Variants in STUM observed in about 807,000 individuals in gnomAD.
STUM encodes protein stum homolog.
STUM carries 8 observed loss-of-function variants against 15.3 expected under a neutral mutation model. The ratio of observed to expected loss-of-function variants is 0.52; its 90% CI spans 0.31 to 0.94. The LOEUF is 0.94. Among genes scored for constraint, STUM ranks in the 40% least tolerant of loss-of-function variants. The pLI, the probability that STUM is intolerant of heterozygous loss-of-function variation, is 0.05. For synonymous variants in STUM, 78 were observed against 88.7 expected, an observed-to-expected ratio of 0.88 and a Z score of 0.68; for missense variants, 142 against 204.9, an observed-to-expected ratio of 0.69 and a Z score of 1.87.
chr1:226,585,095 C>T (rs1250601317), intron 1 of STUM, among the ~76,000 whole-genome samples: 1 of 152,156 alleles, frequency 6.6e-6, no homozygotes, highest in Non-Finnish European at 1.5e-5. Context: ...CTGGCTGTAC[C>T]ACACTGCGGC....
chr1:226,586,694 G>A (rs745535207), intron 1 of STUM, among the ~76,000 whole-genome samples: 14 of 152,152 alleles, frequency 9.2e-5, no homozygotes, highest in Non-Finnish European at 1.6e-4. Flanking sequence ...TTTAATCTCC[G>A]TGTCTACCCA....
At chr1:226,562,064 G>C (rs1444719487) in intron 1 of STUM, among the ~76,000 whole-genome samples, 1 of 150,472 alleles carries the variant, frequency 6.6e-6, no homozygotes, top group Non-Finnish European at 1.5e-5. Flanking sequence ...TCTTTTGGGG[G>C]TGATGAAAAT....
At chr1:226,586,382 A>G (rs527641258) in intron 1 of STUM, among the ~76,000 whole-genome samples, 1 of 152,246 alleles carries the variant, frequency 6.6e-6, no homozygotes, top group East Asian at 1.9e-4. Flanking sequence ...GTAAGGAGAG[A>G]GTGCCTCAGC....
intron 1 of STUM, among the ~76,000 whole-genome samples, chr1:226,573,706 T>A (rs1330786248): frequency 2.6e-5 from 4 of 152,206 alleles, no homozygotes; most frequent in Non-Finnish European, 5.9e-5. Flanking sequence ...TATTTTGATA[T>A]ACGTAGTGAA....
chr1:226,569,199 T>C (rs1424245621), intron 1 of STUM, among the ~76,000 whole-genome samples: 1 of 152,218 alleles, frequency 6.6e-6, no homozygotes, highest in African/African-American at 2.4e-5. Context: ...CATACCTATC[T>C]CATAGGGCTC....
intron 1 of STUM, among the ~76,000 whole-genome samples, chr1:226,586,364 T>C (rs1014591238): frequency 6.6e-6 from 1 of 152,128 alleles, no homozygotes; most frequent in Non-Finnish European, 1.5e-5. Context: ...TTCCCAGGCT[T>C]GCGTTTGGTA....
chr1:226,564,870 T>C (rs921632001), intron 1 of STUM, among the ~76,000 whole-genome samples: 2 of 152,134 alleles, frequency 1.3e-5, no homozygotes, highest in Non-Finnish European at 2.9e-5. Context: ...TGCATTCCGG[T>C]TCTGAATGAC....
chr1:226,593,296 A>G (rs1668120175), intron 1 of STUM, among the ~76,000 whole-genome samples: 1 of 151,980 alleles, frequency 6.6e-6, no homozygotes, highest in Non-Finnish European at 1.5e-5. Flanking sequence ...CGTTTCCTGC[A>G]GGTTGGGGGC....
intron 1 of STUM, among the ~76,000 whole-genome samples, chr1:226,560,753 G>A (rs976606127): frequency 2.0e-5 from 3 of 152,116 alleles, no homozygotes; most frequent in African/African-American, 7.2e-5. Context: ...GAATGGCTGT[G>A]GTATAATGCT....
intron 1 of STUM, among the ~76,000 whole-genome samples, chr1:226,556,770 C>T (rs1470411383): frequency 1.3e-5 from 2 of 152,168 alleles, no homozygotes; most frequent in Non-Finnish European, 2.9e-5. Context: ...GCCCTGTTAA[C>T]TGTAAAGCAC....
chr1:226,588,715 G>T (rs1471465725), intron 1 of STUM, among the ~76,000 whole-genome samples: 1 of 152,230 alleles, frequency 6.6e-6, no homozygotes. Context: ...GACTCTTAGG[G>T]TGGTGGGGCC....
In STUM at chr1:226,600,384, T is replaced by G. The variant is rs532189239; in HGVS notation, c.383-282T>G. Among the ~76,000 whole-genome samples the G allele has an allele frequency of 6.6e-6, 1 of 152,208 alleles. No homozygotes were observed. The highest frequency in any genetic ancestry group is 2.4e-5 in the African/African-American group (1 of 41,454). On this transcript the variant is annotated intron_variant, in intron 2 of 3. Coordinates refer to ENST00000366788, the MANE Select transcript of STUM (RefSeq NM_001003665.4). This position sits in a 1 kb window ranked among gnomAD's most constrained non-coding sequence, Gnocchi z 5.2. ...TGGGGAGGCAGTGGACCAAGCTCCC[T>G]GGCAGTGTGAGAGCCCCTCGCTGTG...
chr1:226,550,252 C>T (rs1667351409), intron 1 of STUM, among the ~76,000 whole-genome samples: 1 of 152,218 alleles, frequency 6.6e-6, no homozygotes, highest in South Asian at 2.1e-4. Context: ...GCTGCGGTGA[C>T]AGCCAAGGCC....
At chr1:226,566,985 T>C (rs1270732491) in intron 1 of STUM, among the ~76,000 whole-genome samples, 1 of 152,194 alleles carries the variant, frequency 6.6e-6, no homozygotes, top group African/African-American at 2.4e-5. Flanking sequence ...AGCAACTCCA[T>C]TGCTGCTTCC....
intron 1 of STUM, among the ~76,000 whole-genome samples, chr1:226,560,093 C>T (rs898932196): frequency 4.6e-5 from 7 of 152,146 alleles, no homozygotes; most frequent in African/African-American, 1.7e-4. Context: ...GAGCTGAGAT[C>T]ACGCCACCAC....
chr1:226,550,851 A>G (rs1415125188), intron 1 of STUM, among the ~76,000 whole-genome samples: 1 of 152,176 alleles, frequency 6.6e-6, no homozygotes, highest in Non-Finnish European at 1.5e-5. Flanking sequence ...GGCACCGTCC[A>G]TTCCGCTGAC....
At chr1:226,586,583 A>C (rs994705513) in intron 1 of STUM, among the ~76,000 whole-genome samples, 58 of 152,076 alleles carry the variant, frequency 3.8e-4, no homozygotes, top group Admixed American at 7.2e-4. Flanking sequence ...GCATCCCCAC[A>C]AGAGCTCCTT....
chr1:226,575,228 G>A (rs1361290319), intron 1 of STUM, among the ~76,000 whole-genome samples: 1 of 152,268 alleles, frequency 6.6e-6, no homozygotes, highest in Non-Finnish European at 1.5e-5. Flanking sequence ...GACTAGATCA[G>A]GCCTATACAG....
In STUM at chr1:226,549,975, C is replaced by T. The variant is rs977210755; in HGVS notation, c.202+869C>T. Among the ~76,000 whole-genome samples the T allele has an allele frequency of 6.6e-6, 1 of 152,176 alleles. No homozygotes were observed. Among genetic ancestry groups the T allele is most frequent in the Middle Eastern group, 3.4e-3 (1 of 292 alleles). ...ACCCTCCCTCCCTTAACTCCACCCCCAGGTCTCTGCCTGCACGCCCCTCCC... is the reference window on the plus strand; with the variant it reads ...ACCCTCCCTCCCTTAACTCCACCCCTAGGTCTCTGCCTGCACGCCCCTCCC... On this transcript the variant is annotated intron_variant, in intron 1 of 3. Transcript: ENST00000366788. This position sits in a 1 kb window ranked among gnomAD's most constrained non-coding sequence, Gnocchi z 6.8.
Sources: gnomAD v4.1 joint callset for allele counts (sites outside exome capture counted in the v4.1 genomes callset) on GRCh38, gnomAD v4.1.1 for gene constraint, Gnocchi (gnomAD v3.1) non-coding constraint, MANE v1.5 for transcripts, NCBI Gene and HGNC (gene_info 2026-07-23, HGNC 2026-07-21) for gene names.